ERICH1: variants seen among roughly 807,000 people sequenced by gnomAD.
The protein encoded by ERICH1 is glutamate-rich protein 1.
Under a neutral mutation model 39.6 loss-of-function variants are expected in ERICH1, and 56 were observed. The observed-to-expected ratio is 1.41, with a 90% CI of 1.14 to 1.77. The LOEUF (loss-of-function observed/expected upper bound fraction) is 1.77, where lower values mean the gene tolerates loss of function less well. ERICH1 is among the 40% of genes most tolerant of loss of function. The pLI is 0.00. For synonymous variants in ERICH1, 313 were observed against 223.6 expected, an observed-to-expected ratio of 1.40 and a Z score of -3.57; for missense variants, 826 against 575.4, an observed-to-expected ratio of 1.44 and a Z score of -4.45.
intron 2 of ERICH1, 23 bp downstream of exon 2, chr8:715,838 C>G: frequency 6.3e-7 from 1 of 1,596,850 alleles, no homozygotes; most frequent in Middle Eastern, 1.7e-4. Flanking sequence ...CTGAGACCCA[C>G]CCACATCTGC....
Position 653,360 on chromosome 8 carries a change from C to T in ERICH1, c.976+15238G>A, listed in dbSNP as rs139057518. 6.2e-4 allele frequency among the ~76,000 whole-genome samples: 95 copies of T among 152,346 alleles called. 1 individual carries two copies. In the East Asian group the frequency reaches 6.9e-3, roughly 11 times the overall value. Reference sequence around the variant, plus strand: ...ACTGAAAACCTAATTCAGGAGTCTGCGCCTGTAATAGTGGCCGAGTCTTGA... The same window carrying T: ...ACTGAAAACCTAATTCAGGAGTCTGTGCCTGTAATAGTGGCCGAGTCTTGA... On this transcript the variant is annotated intron_variant, in intron 3 of 3. Coordinates refer to the ERICH1 transcript ENST00000522706.
At position 686,453 on chromosome 8, in the gene ERICH1, A is replaced by T. The variant is rs1770716409; in HGVS notation, c.304+6025T>A. Among the ~76,000 whole-genome samples the T allele has an allele frequency of 1.5e-4, 9 of 58,934 alleles. No homozygotes were observed. The South Asian group carries it at 7.9e-3, about 52-fold the overall frequency. The allele number at this position is 58,934 out of a possible 152,430, so 38.7% of individuals were successfully genotyped here. ...TTGTTTCTTCCTAGGCAAGCTAAAA[A>T]AAAAAAAAAAAACAAAAACAAAAAC... On this transcript the variant is annotated intron_variant, in intron 3 of 5. Transcript: ENST00000262109.
At chr8:658,481 A>C (rs1800953526) in intron 3 of ERICH1, among the ~76,000 whole-genome samples, 1 of 152,158 alleles carries the variant, frequency 6.6e-6, no homozygotes, top group African/African-American at 2.4e-5. Flanking sequence ...CCCTCTTCCC[A>C]AACCCCTCAT....
At chr8:715,483 G>A (rs1280103241) in intron 2 of ERICH1, among the ~76,000 whole-genome samples, 1 of 152,260 alleles carries the variant, frequency 6.6e-6, no homozygotes, top group African/African-American at 2.4e-5. Context: ...CTGTCCCTGA[G>A]TGGGCACAAG....
intron 3 of ERICH1, among the ~76,000 whole-genome samples, chr8:634,183 A>AAAAAAACAAAAAACAAAC (rs1554481909): frequency 8.8e-5 from 12 of 135,804 alleles, no homozygotes. Flanking sequence ...AAAAAAAAAA[A>AAAAAAACAAAAAACAAAC]AAACAAACAA....
At chr8:628,213 C>G (rs992492725) in intron 3 of ERICH1, among the ~76,000 whole-genome samples, 11 of 152,218 alleles carry the variant, frequency 7.2e-5, no homozygotes, top group Admixed American at 3.9e-4. Context: ...TTGATGTTAT[C>G]TGCAGGCTAG....
chr8:702,546 A>C (rs1194598944), intron 2 of ERICH1, among the ~76,000 whole-genome samples: 1 of 152,250 alleles, frequency 6.6e-6, no homozygotes, highest in East Asian at 1.9e-4. Context: ...AAAAGTCTTG[A>C]ACAGACACTT....
chr8:660,453 C>T (rs1477337803), downstream of ERICH1, among the ~76,000 whole-genome samples: 1 of 152,192 alleles, frequency 6.6e-6, no homozygotes, highest in Admixed American at 6.5e-5. Context: ...GGTGTGGCAG[C>T]GGCCACAGCA....
At chr8:703,773 G>A (rs533725979) in intron 2 of ERICH1, among the ~76,000 whole-genome samples, 5 of 152,288 alleles carry the variant, frequency 3.3e-5, no homozygotes, top group South Asian at 4.2e-4. Flanking sequence ...TAAAAAATCC[G>A]GGAGAAGATG....
At chr8:694,466 G>A (rs1809669108) in intron 2 of ERICH1, among the ~76,000 whole-genome samples, 1 of 152,222 alleles carries the variant, frequency 6.6e-6, no homozygotes, top group Admixed American at 6.5e-5. Flanking sequence ...ACACGGGAGG[G>A]ATCAGGGAAC....
At chr8:638,553 G>A (rs1424617099) in intron 3 of ERICH1, among the ~76,000 whole-genome samples, 2 of 152,288 alleles carry the variant, frequency 1.3e-5, no homozygotes, top group East Asian at 3.9e-4. Flanking sequence ...GGCGTCCACT[G>A]AGCTGTGATC....
At position 668,523 on chromosome 8, in the gene ERICH1, C is replaced by G. The variant is rs749861678; in HGVS notation, c.1258+75G>C. ...TTCCAACTCATTGCTGTTTTGGTGG[C>G]GTGTAAGTCTTTCAGAGGCAAACCT... On this transcript the variant is annotated intron_variant, in intron 5 of 5. Transcript: ENST00000262109. The G allele has an allele frequency of 6.0e-6, 9 of 1,507,536 alleles. No individual in the cohort carries two copies. In the Admixed American group the frequency reaches 1.5e-4, roughly 25 times the overall value. The allele number at this position is 1,507,536 out of a possible 1,614,324, so 93.4% of individuals were successfully genotyped here.
In ERICH1 at chr8:715,941, G is replaced by A. The variant is rs754834072; in HGVS notation, c.89C>T (p.Pro30Leu). 15 of 1,613,802 alleles carry A rather than the reference G, an allele frequency of 9.3e-6. No homozygotes were observed. The highest frequency in any genetic ancestry group is 8.3e-5 in the Admixed American group (5 of 59,952). ...TGGATTTTGGACGGCCAGCGTCTGG[G>A]GTTCCCTCTTTCCTTGGCCACTTGG... ...PVPSGQGKRE[P>L]QTLAVQNPPK... The change falls in exon 2 of 6, where the codon CCC becomes CTC. Residue 30 changes from proline (P) to leucine (L), a missense_variant. Transcript: ENST00000262109.
At chr8:699,285 C>G (rs532027676) in intron 2 of ERICH1, among the ~76,000 whole-genome samples, 1 of 152,170 alleles carries the variant, frequency 6.6e-6, no homozygotes, top group East Asian at 1.9e-4. Flanking sequence ...AAAATGCTAC[C>G]GGGGGGAGCG....
chr8:676,484 G>GGGACGCGGCGGCCCCTCGTGAGGAC lies in ERICH1; in HGVS notation c.305-2438_305-2437insGTCCTCACGAGGGGCCGCCGCGTCC, dbSNP rs1804818630. Among the ~76,000 whole-genome samples, 4 of 138,462 alleles carry GGGACGCGGCGGCCCCTCGTGAGGAC rather than the reference G, an allele frequency of 2.9e-5. 1 individual carries two copies. Among genetic ancestry groups the GGGACGCGGCGGCCCCTCGTGAGGAC allele is most frequent in the African/African-American group, 1.1e-4 (4 of 36,516 alleles). 90.8% of individuals were successfully genotyped at this position (138,462 alleles called of 152,430 possible). A position where few individuals can be genotyped will look rare whatever the true frequency, so the allele number is the denominator to read the frequency against. On this transcript the variant is annotated intron_variant, in intron 3 of 5. Transcript: ENST00000262109. ...ACGCGGCGGCCCCTCGGCGAGGACAGAGACGCGGCGGCCCCTCGTGAGGAC... is the reference window on the plus strand; with the variant it reads ...ACGCGGCGGCCCCTCGGCGAGGACAGGGACGCGGCGGCCCCTCGTGAGGACAGACGCGGCGGCCCCTCGTGAGGAC...
intron 1 of ERICH1, among the ~76,000 whole-genome samples, chr8:723,133 C>T (rs903452825): frequency 6.6e-6 from 1 of 152,174 alleles, no homozygotes; most frequent in African/African-American, 2.4e-5. Flanking sequence ...GGACCTCCAC[C>T]TTCTCCCGCT....
At chr8:709,224 T>C (rs1814136672) in intron 2 of ERICH1, among the ~76,000 whole-genome samples, 2 of 152,350 alleles carry the variant, frequency 1.3e-5, no homozygotes, top group South Asian at 2.1e-4. Context: ...CAAGTGGTTT[T>C]GGTTGCTTGT....
At chr8:727,246 A>G (rs1298866915) in intron 1 of ERICH1, among the ~76,000 whole-genome samples, 2 of 152,180 alleles carry the variant, frequency 1.3e-5, no homozygotes, top group Non-Finnish European at 2.9e-5. Context: ...ATGCATGCAC[A>G]TTGACAATAT....
At chr8:709,601 C>A (rs1703944) in intron 2 of ERICH1, among the ~76,000 whole-genome samples, 27,278 of 152,250 alleles carry the variant, frequency 0.18, 2,552 homozygotes, top group African/African-American at 0.21. Context: ...TAAAGAGTAT[C>A]TTACAGATGC....
Sources: allele counts gnomAD v4.1 joint callset (sites outside exome capture counted in the v4.1 genomes callset), GRCh38; gene constraint gnomAD v4.1.1; transcripts MANE v1.5; gene names NCBI Gene and HGNC (gene_info 2026-07-23, HGNC 2026-07-21).